The following ANK2 variants were observed in gnomAD, a reference collection of about 807,000 sequenced individuals.
ANK2 encodes the protein ankyrin 2.
Under a neutral mutation model 360.5 loss-of-function variants are expected in ANK2, and 83 were observed. The ratio of observed to expected loss-of-function variants is 0.23; its 90% CI spans 0.19 to 0.28. The LOEUF is 0.28. Among genes scored for constraint, ANK2 ranks in the 10% least tolerant of loss-of-function variants. ANK2 has a pLI of 1.00. For missense variants in ANK2, 4,201 were observed against 4,795.7 expected, an observed-to-expected ratio of 0.88 and a Z score of 3.66; for synonymous variants, 1,740 against 1,759.5, an observed-to-expected ratio of 0.99 and a Z score of 0.28.
chr4:112,912,214 G>T (rs1383220126), intron 2 of ANK2, among the ~76,000 whole-genome samples: 1 of 151,832 alleles, frequency 6.6e-6, no homozygotes, highest in Admixed American at 6.6e-5. Context: ...GCACTTTAGG[G>T]ACGGCAAGTG....
chr4:113,130,624 G>A (rs2095957645), intron 1 of ANK2, among the ~76,000 whole-genome samples: 1 of 152,098 alleles, frequency 6.6e-6, no homozygotes, highest in Non-Finnish European at 1.5e-5. Context: ...AGGTTTTAAT[G>A]TGCAGGATGA....
chr4:113,160,789 A>G (rs2097506970), intron 1 of ANK2, among the ~76,000 whole-genome samples: 1 of 152,182 alleles, frequency 6.6e-6, no homozygotes, highest in Non-Finnish European at 1.5e-5. Context: ...AACATCTAGC[A>G]CAGTGCTATG....
chr4:113,284,563 C>T (rs992952223), intron 18 of ANK2, among the ~76,000 whole-genome samples: 3 of 152,150 alleles, frequency 2.0e-5, no homozygotes, highest in Non-Finnish European at 4.4e-5. Context: ...CTTTCTTTGA[C>T]AGCGTTTTAT....
intron 1 of ANK2, among the ~76,000 whole-genome samples, chr4:113,088,959 T>C (rs1431071992): frequency 2.0e-5 from 3 of 152,168 alleles, no homozygotes; most frequent in Admixed American, 2.0e-4. Flanking sequence ...TATCACAACA[T>C]AACAAACCAC....
rs940781510 is a variant in ANK2 at position 113,108,047 on chromosome 4, T to C, written c.84+58235T>C. 3.3e-5 allele frequency among the ~76,000 whole-genome samples: 5 copies of C among 152,330 alleles called. No homozygotes were observed. The East Asian group carries it at 5.8e-4, about 18-fold the overall frequency. On this transcript the variant is annotated intron_variant, in intron 1 of 45. Coordinates refer to ENST00000357077, the MANE Select transcript of ANK2 (RefSeq NM_001148.6). The stretch of plus-strand genomic sequence containing the variant: ...CAACTTGAAACACGTAAGTTGGACA[T>C]TCGTTTACCAATGATCTGATGTCCA...
chr4:113,247,033 AGG>A (rs10706087), intron 9 of ANK2, among the ~76,000 whole-genome samples: 2 of 151,174 alleles, frequency 1.3e-5, no homozygotes, highest in East Asian at 1.9e-4. Flanking sequence ...CTAAGCAGAG[AGG>A]GGGGAAGATA....
chr4:112,843,258 G>A (rs2062550974), intron 1 of ANK2, among the ~76,000 whole-genome samples: 1 of 152,192 alleles, frequency 6.6e-6, no homozygotes, highest in African/African-American at 2.4e-5. Flanking sequence ...GTACAACTCA[G>A]ATTTGCTAAA....
chr4:113,044,455 T>A (rs2063767891), intron 2 of ANK2, among the ~76,000 whole-genome samples: 1 of 152,182 alleles, frequency 6.6e-6, no homozygotes. Flanking sequence ...TGCAACCAAC[T>A]ATAAGGGAGG....
chr4:113,100,221 A>G (rs575784255), intron 1 of ANK2, among the ~76,000 whole-genome samples: 7 of 152,238 alleles, frequency 4.6e-5, no homozygotes, highest in African/African-American at 1.4e-4. Flanking sequence ...TCTTTGCAAA[A>G]CACATATCTG....
At chr4:113,120,625 G>T (rs777316449) in intron 1 of ANK2, among the ~76,000 whole-genome samples, 1 of 151,858 alleles carries the variant, frequency 6.6e-6, no homozygotes, top group African/African-American at 2.4e-5. Flanking sequence ...TAAGTTCAGG[G>T]GTACATGTTC....
chr4:113,363,494 T>C, intron 40 of ANK2, 25 bp downstream of exon 40: 1 of 1,612,740 alleles, frequency 6.2e-7, no homozygotes, highest in Admixed American at 1.7e-5. Context: ...ATATGCATAT[T>C]GGGCTAAAGT....
At position 113,186,649 on chromosome 4, in the gene ANK2, G is replaced by A. The variant is rs148359894; in HGVS notation, c.187-9719G>A. Among the ~76,000 whole-genome samples, 125 of 148,290 alleles carry A rather than the reference G, an allele frequency of 8.4e-4. 1 individual carries two copies. The highest frequency in any genetic ancestry group is 3.0e-3 in the African/African-American group (119 of 39,908). On this transcript the variant is annotated intron_variant, in intron 2 of 45. Transcript: ENST00000357077. ...TCTCTGTATTGATGATTGTAAAGAAGTAAACAAATCCTATGATCTCTAGTC... is the reference window on the plus strand; with the variant it reads ...TCTCTGTATTGATGATTGTAAAGAAATAAACAAATCCTATGATCTCTAGTC...
intron 1 of ANK2, among the ~76,000 whole-genome samples, chr4:112,901,667 C>T (rs1377091694): frequency 6.6e-6 from 1 of 151,924 alleles, no homozygotes; most frequent in Non-Finnish European, 1.5e-5. Flanking sequence ...TCGAGACCAG[C>T]CTGACCAACA....
At chr4:113,074,941 A>G (rs2079261941) in intron 1 of ANK2, among the ~76,000 whole-genome samples, 1 of 152,260 alleles carries the variant, frequency 6.6e-6, no homozygotes, top group Non-Finnish European at 1.5e-5. Context: ...TATGTTTAAT[A>G]TATGGCAAAA....
At chr4:113,302,636 C>G (rs540574153) in intron 22 of ANK2, 131 bp from the exon 23 acceptor site, 5 of 727,066 alleles carry the variant, frequency 6.9e-6, no homozygotes, top group Non-Finnish European at 1.2e-5. Flanking sequence ...AAAATATACA[C>G]GCGGGAAAGA....
At chr4:112,979,416 T>A (rs561776488) in intron 2 of ANK2, among the ~76,000 whole-genome samples, 1 of 152,284 alleles carries the variant, frequency 6.6e-6, no homozygotes, top group Middle Eastern at 3.4e-3. Context: ...AAAGATGGTG[T>A]CACAGCCCTC....
At chr4:113,007,381 T>C (rs913135520) in intron 2 of ANK2, among the ~76,000 whole-genome samples, 2 of 152,140 alleles carry the variant, frequency 1.3e-5, no homozygotes, top group African/African-American at 4.8e-5. Flanking sequence ...ACCCAAAGAT[T>C]TATCCTTGCC....
intron 10 of ANK2, among the ~76,000 whole-genome samples, chr4:113,251,607 C>T (rs1013416765): frequency 6.6e-5 from 10 of 151,392 alleles, no homozygotes; most frequent in Admixed American, 6.6e-4. Context: ...CTCAGCCTCC[C>T]GAGTAGCTGG....
At chr4:112,831,127 A>G (rs552821040) in intron 1 of ANK2, among the ~76,000 whole-genome samples, 87 of 152,244 alleles carry the variant, frequency 5.7e-4, no homozygotes, top group African/African-American at 1.7e-3. Flanking sequence ...AGACTCCCCA[A>G]TGGGTGCTGC....
Sources: gnomAD v4.1 joint callset for allele counts (sites outside exome capture counted in the v4.1 genomes callset) on GRCh38, gnomAD v4.1.1 for gene constraint, MANE v1.5 for transcripts, NCBI Gene and HGNC (gene_info 2026-07-23, HGNC 2026-07-21) for gene names.